WWOX: variants seen among roughly 807,000 people sequenced by gnomAD.
WWOX encodes WW domain-containing oxidoreductase.
In WWOX, 69 loss-of-function variants were observed where a neutral mutation model predicts 46.2. That is an observed-to-expected ratio of 1.49 (90% CI 1.23 to 1.82). WWOX has a LOEUF of 1.82. Ranked by LOEUF, WWOX falls within the 40% of genes most tolerant of loss-of-function variation. The pLI is 0.00. For synonymous variants in WWOX, 359 were observed against 202.6 expected, an observed-to-expected ratio of 1.77 and a Z score of -6.56; for missense variants, 919 against 542.6, an observed-to-expected ratio of 1.69 and a Z score of -6.89.
intron 8 of WWOX, among the ~76,000 whole-genome samples, chr16:78,706,058 G>GTTT (rs3051058): frequency 0.23 from 23,993 of 106,206 alleles, 3,049 homozygotes; most frequent in East Asian, 0.3. Flanking sequence ...GTTATGGCAG[G>GTTT]TTTTTTTTTT....
At chr16:78,480,659 G>T (rs959510451) in intron 8 of WWOX, among the ~76,000 whole-genome samples, 1 of 152,192 alleles carries the variant, frequency 6.6e-6, no homozygotes, top group African/African-American at 2.4e-5. Flanking sequence ...GTACACAGAT[G>T]CACTGACACA....
At chr16:78,272,463 G>A (rs564022948) in intron 5 of WWOX, among the ~76,000 whole-genome samples, 67 of 152,308 alleles carry the variant, frequency 4.4e-4, no homozygotes, top group African/African-American at 1.5e-3. Flanking sequence ...CTTAGGGGTT[G>A]GCACAGCATG....
chr16:78,450,812 G>T (rs1174197054), intron 8 of WWOX, among the ~76,000 whole-genome samples: 1 of 152,130 alleles, frequency 6.6e-6, no homozygotes, highest in Non-Finnish European at 1.5e-5. Context: ...ACCCAGAGCA[G>T]ATTTCCTCTA....
intron 8 of WWOX, among the ~76,000 whole-genome samples, chr16:78,471,044 A>G (rs920313059): frequency 3.9e-5 from 6 of 152,120 alleles, no homozygotes; most frequent in African/African-American, 1.4e-4. Context: ...CATTGCTGGT[A>G]TTTTCACTCT....
chr16:78,726,605 A>G (rs1166851558), intron 8 of WWOX, among the ~76,000 whole-genome samples: 1 of 152,166 alleles, frequency 6.6e-6, no homozygotes, highest in Non-Finnish European at 1.5e-5. Context: ...GGAGGAAGGG[A>G]GTCAACTAAA....
At chr16:79,148,213 C>T (rs1191927269) in intron 8 of WWOX, among the ~76,000 whole-genome samples, 1 of 152,050 alleles carries the variant, frequency 6.6e-6, no homozygotes, top group Non-Finnish European at 1.5e-5. Flanking sequence ...TTGCATTTTG[C>T]ATGTATGCCC....
intron 8 of WWOX, among the ~76,000 whole-genome samples, chr16:79,109,992 C>T (rs151058881): frequency 3.3e-5 from 5 of 152,268 alleles, no homozygotes; most frequent in East Asian, 1.9e-4. Context: ...GAGTCCAGCC[C>T]GTTATGTCGC....
chr16:78,310,366 A>G lies in WWOX; in HGVS notation c.517-76494A>G, dbSNP rs144097432. On this transcript the variant is annotated intron_variant, in intron 5 of 8. Transcript: ENST00000566780. ...CATGCACGCACACACAGCCTGCACT[A>G]TGTTTGTTGACTGAATGAATTAATA... is the stretch of plus-strand genomic sequence containing the variant. Among the ~76,000 whole-genome samples, 1,036 of 152,268 alleles carry G rather than the reference A, an allele frequency of 6.8e-3. 13 individuals are homozygous for G. The highest frequency in any genetic ancestry group is 0.022 in the African/African-American group (930 of 41,560).
intron 8 of WWOX, among the ~76,000 whole-genome samples, chr16:78,794,581 G>A (rs2050690145): frequency 1.3e-5 from 2 of 152,204 alleles, no homozygotes; most frequent in Non-Finnish European, 2.9e-5. Context: ...ACCTCTTAGT[G>A]TTGCTGTGAG....
chr16:78,967,459 G>GC lies in WWOX; in HGVS notation c.1057-244149_1057-244148insC, dbSNP rs760361225. ...CCAACATGCCTGGTTAATTTTTGTG[G>GC]TTTTTTTTTTTTTTTTTTTTTTCCT... On this transcript the variant is annotated intron_variant, in intron 8 of 8. Transcript: ENST00000566780. Among the ~76,000 whole-genome samples the GC allele has an allele frequency of 1.8e-3, 173 of 98,330 alleles. 1 individual carries two copies. Among genetic ancestry groups the GC allele is most frequent in the African/African-American group, 6.4e-3 (162 of 25,440 alleles). 64.5% of individuals were successfully genotyped at this position (98,330 alleles called of 152,430 possible).
intron 8 of WWOX, among the ~76,000 whole-genome samples, chr16:78,584,524 C>T (rs8048608): frequency 0.078 from 11,875 of 152,230 alleles, 477 homozygotes; most frequent in African/African-American, 0.094. Flanking sequence ...CGGCATATAA[C>T]GGGAGCCCAT....
At chr16:78,148,446 A>G (rs1185137174) in intron 4 of WWOX, among the ~76,000 whole-genome samples, 2 of 152,200 alleles carry the variant, frequency 1.3e-5, no homozygotes, top group Admixed American at 1.3e-4. Context: ...AAAGGGAGCA[A>G]AAGAGCTGTG....
intron 8 of WWOX, among the ~76,000 whole-genome samples, chr16:78,591,164 A>G (rs919377520): frequency 5.3e-5 from 8 of 152,078 alleles, no homozygotes; most frequent in African/African-American, 1.7e-4. Context: ...CCCTTTTTCA[A>G]GATGGTTTTA....
At chr16:78,867,519 T>G (rs2044031355) in intron 8 of WWOX, among the ~76,000 whole-genome samples, 1 of 151,752 alleles carries the variant, frequency 6.6e-6, no homozygotes, top group Non-Finnish European at 1.5e-5. Flanking sequence ...TGTATGTGTG[T>G]GTGTTTTGTT....
rs529700919 is a variant in WWOX at position 78,989,970 on chromosome 16, C to G, written c.1057-221638C>G. On this transcript the variant is annotated intron_variant, in intron 8 of 8. Transcript: ENST00000566780. Reference sequence around the variant, plus strand: ...GGCCGGGGCGAGCAAATTGCTTGAACTCACGAGTTCGAGGCTAGCCTGGGC... The same window carrying G: ...GGCCGGGGCGAGCAAATTGCTTGAAGTCACGAGTTCGAGGCTAGCCTGGGC... Among the ~76,000 whole-genome samples, 8 of 151,766 alleles carry G rather than the reference C, an allele frequency of 5.3e-5. No individual in the cohort carries two copies. In the East Asian group the frequency reaches 1.6e-3, roughly 30 times the overall value.
chr16:78,970,779 G>A (rs924234447), intron 8 of WWOX, among the ~76,000 whole-genome samples: 5 of 152,086 alleles, frequency 3.3e-5, no homozygotes, highest in Non-Finnish European at 4.4e-5. Flanking sequence ...TTCTTGGGGG[G>A]CAACTAAACC....
intron 5 of WWOX, among the ~76,000 whole-genome samples, chr16:78,353,505 T>C (rs9924952): frequency 0.7 from 107,047 of 151,894 alleles, 38,561 homozygotes; most frequent in African/African-American, 0.76. Flanking sequence ...TTCTGTCCCT[T>C]CTCCTCTAGC....
At chr16:78,364,040 C>A (rs960637525) in intron 5 of WWOX, among the ~76,000 whole-genome samples, 3 of 152,186 alleles carry the variant, frequency 2.0e-5, no homozygotes, top group African/African-American at 7.2e-5. Flanking sequence ...GGCCCCGTGC[C>A]ACATCCCCCC....
chr16:78,475,776 A>G (rs1462934046), intron 8 of WWOX, among the ~76,000 whole-genome samples: 1 of 152,102 alleles, frequency 6.6e-6, no homozygotes. Flanking sequence ...ATGCATTTTT[A>G]GTAGAGACGC....
Sources: allele counts gnomAD v4.1 joint callset (sites outside exome capture counted in the v4.1 genomes callset), GRCh38; gene constraint gnomAD v4.1.1; transcripts MANE v1.5; gene names NCBI Gene and HGNC (gene_info 2026-07-23, HGNC 2026-07-21).